Variants in ODAM observed in about 807,000 individuals in gnomAD.
ODAM encodes odontogenic ameloblast-associated protein.
ODAM carries 55 observed loss-of-function variants against 48.5 expected under a neutral mutation model. The ratio of observed to expected loss-of-function variants is 1.13; its 90% confidence interval spans 0.91 to 1.42. ODAM has a LOEUF of 1.42. Ranked by LOEUF, ODAM falls within the 40% of genes most tolerant of loss-of-function variation. ODAM has a pLI of 0.00. For synonymous variants in ODAM, 127 were observed against 107.8 expected, an observed-to-expected ratio of 1.18 and a Z score of -1.10; for missense variants, 353 against 323.6, an observed-to-expected ratio of 1.09 and a Z score of -0.70.
rs748580771 is a variant in ODAM, at chr4:70,201,463, T to C, written c.538T>C (p.Tyr180His). The change falls in exon 8 of 12, where the codon TAT becomes CAT. Residue 180 changes from tyrosine (Y) to histidine (H), a missense_variant. Transcript: ENST00000683306. ...QQQYEEQIPF[Y>H]AQFGYIPQLA... Reference sequence around the variant, plus strand: ...TTAAAAAATCTGACAGATACCATTCTATGCTCAATTTGGATACATTCCACA... The same window carrying C: ...TTAAAAAATCTGACAGATACCATTCCATGCTCAATTTGGATACATTCCACA... 1 of 1,506,368 alleles carries C rather than the reference T, an allele frequency of 6.6e-7. No individual in the cohort carries two copies. The allele number at this position is 1,506,368 out of a possible 1,614,324, so 93.3% of individuals were successfully genotyped here.
chr4:70,203,085 A>G, intron 10 of ODAM, 71 bp from the exon 11 acceptor site: 1 of 1,380,664 alleles, frequency 7.2e-7, no homozygotes, highest in Admixed American at 1.8e-5. Flanking sequence ...TGTTTTTGAT[A>G]ATCAATTAAT....
intron 2 of ODAM, 42 bp from the exon 3 acceptor site, chr4:70,196,650 T>C: frequency 6.3e-7 from 1 of 1,599,806 alleles, no homozygotes; most frequent in Non-Finnish European, 8.5e-7. Context: ...AACAATCCCT[T>C]CTTTTTACTA....
rs563047939 is a variant in ODAM, at chr4:70,204,397, T to C, written c.*252T>C. 3.5e-4 allele frequency: 53 copies of C among 152,066 alleles called. No homozygotes were observed. Among genetic ancestry groups the C allele is most frequent in the Non-Finnish European group, 6.8e-4 (46 of 67,984 alleles). 9.4% of individuals were successfully genotyped at this position (152,066 alleles called of 1,614,324 possible). A position where few individuals can be genotyped will look rare whatever the true frequency, so the allele number is the denominator to read the frequency against. ...TGTCTCTTCAAATATCCTATCATTG[T>C]ATAATATGGAATATAATAACACAGA... On this transcript the variant is annotated 3_prime_UTR_variant, in exon 12 of 12. Transcript: ENST00000683306.
Position 70,197,186 on chromosome 4 carries a change from A to G in ODAM, c.94-88A>G, listed in dbSNP as rs570846645. On this transcript the variant is annotated intron_variant, in intron 3 of 11. Transcript: ENST00000683306. ...CTAACAAGAAATTGAGCAACCAGCT[A>G]TGACTTGTGCTATATTTGCAGTAAA... 29 of 712,776 alleles carry G rather than the reference A, an allele frequency of 4.1e-5. No homozygotes were observed. In the Admixed American group the frequency reaches 4.8e-4, roughly 12 times the overall value. The allele number at this position is 712,776 out of a possible 1,614,324, so 44.2% of individuals were successfully genotyped here.
Position 70,202,339 on chromosome 4 carries a change from C to T in ODAM, c.648+10C>T, listed in dbSNP as rs1194110199. ...TGAAATTGCTGTGATGGTAAGATTC[C>T]TTACAACACTTTGCCAGCTACTGGA... On this transcript the variant is annotated intron_variant, in intron 9 of 11. Coordinates refer to ENST00000683306, the MANE Select transcript of ODAM (RefSeq NM_017855.4). The T allele has an allele frequency of 5.0e-6, 8 of 1,603,776 alleles. No homozygotes were observed. The highest frequency in any genetic ancestry group is 6.8e-6 in the Non-Finnish European group (8 of 1,171,536).
chr4:70,202,048 G>C (rs189430943), intron 8 of ODAM, among the ~76,000 whole-genome samples: 149 of 152,016 alleles, frequency 9.8e-4, no homozygotes, highest in African/African-American at 3.5e-3. Context: ...TCCTAGTAGA[G>C]AATGTTAGAA....
intron 5 of ODAM, 138 bp from the exon 6 acceptor site, chr4:70,198,441 G>A (rs966752006): frequency 1.4e-6 from 1 of 698,738 alleles, no homozygotes; most frequent in South Asian, 2.0e-5. Context: ...GTCAGCACAT[G>A]TAACGGATGA....
intron 6 of ODAM, 84 bp from the exon 7 acceptor site, chr4:70,200,413 A>T: frequency 1.5e-6 from 1 of 685,624 alleles, no homozygotes; most frequent in East Asian, 2.8e-5. Flanking sequence ...AACAGCTTTT[A>T]AATAAAATTG....
intron 9 of ODAM, 29 bp downstream of exon 9, chr4:70,202,358 T>C: frequency 6.4e-7 from 1 of 1,557,546 alleles, no homozygotes; most frequent in Non-Finnish European, 8.9e-7. Flanking sequence ...CTTTGCCAGC[T>C]ACTGGAAATC....
rs987377320 is a variant in ODAM at position 70,195,755 on chromosome 4, C to T, written c.-54C>T. 2.0e-5 allele frequency: 20 copies of T among 983,876 alleles called. No homozygotes were observed. The highest frequency in any genetic ancestry group is 4.7e-5 in the South Asian group (1 of 21,270). The allele number at this position is 983,876 out of a possible 1,614,324, so 60.9% of individuals were successfully genotyped here. A position where few individuals can be genotyped will look rare whatever the true frequency, so the allele number is the denominator to read the frequency against. On this transcript the variant is annotated 5_prime_UTR_variant, in exon 1 of 12. Coordinates refer to ENST00000683306, the MANE Select transcript of ODAM (RefSeq NM_017855.4). ...TGAGAGAGGAAAAGAACACAGATCT[C>T]GCATGGTTCAGATTTTTCTTTTTAG... is the stretch of plus-strand genomic sequence containing the variant.
At chr4:70,200,855 A>C (rs571939603) in intron 7 of ODAM, among the ~76,000 whole-genome samples, 114 of 152,072 alleles carry the variant, frequency 7.5e-4, no homozygotes, top group African/African-American at 2.7e-3. Flanking sequence ...CAAGGCCAAA[A>C]AGCTGAATAA....
At chr4:70,196,199 G>A (rs2109814084) in intron 1 of ODAM, among the ~76,000 whole-genome samples, 1 of 151,948 alleles carries the variant, frequency 6.6e-6, no homozygotes, top group African/African-American at 2.4e-5. Flanking sequence ...TGGTCTGATG[G>A]GCCTGCTCCT....
At position 70,202,833 on chromosome 4, in the gene ODAM, C is replaced by T. The variant is rs920591414; in HGVS notation, c.726C>T (p.Pro242=). The part of the protein sequence containing the change: ...FRHDSAGVFM[P]STSPKPSTTN... ...ATGACAGTGCAGGAGTTTTCATGCC[C>T]TCAACTTCACCAAAACCCAGCACAA... is the stretch of plus-strand genomic sequence containing the variant. The change falls in exon 10 of 12, where the codon CCC becomes CCT. Residue 242 remains proline, a synonymous_variant. Coordinates refer to ENST00000683306, the MANE Select transcript of ODAM (RefSeq NM_017855.4). 1.9e-6 allele frequency: 3 copies of T among 1,612,066 alleles called. No homozygotes were observed. In the South Asian group the frequency reaches 3.3e-5, roughly 18 times the overall value.
chr4:70,197,311 T>C lies in ODAM; in HGVS notation c.131T>C (p.Leu44Pro), dbSNP rs1729391032. The change falls in exon 4 of 12, where the codon CTA becomes CCA. Residue 44 changes from leucine to proline, a missense_variant. Leu to Pro is a moderately conservative substitution (Grantham distance 98). Coordinates refer to ENST00000683306, the MANE Select transcript of ODAM (RefSeq NM_017855.4). ...LNLNNGQLLP[L>P]QLQGPLNSWI... Reference sequence around the variant, plus strand: ...CTTAATAATGGTCAACTTTTGCCACTACAACTTCAGGTACCTCCATTTCAA... The same window carrying C: ...CTTAATAATGGTCAACTTTTGCCACCACAACTTCAGGTACCTCCATTTCAA... The C allele has an allele frequency of 7.0e-7, 1 of 1,438,434 alleles. No individual in the cohort carries two copies. Among genetic ancestry groups the C allele is most frequent in the South Asian group, 1.2e-5 (1 of 86,836 alleles). 89.1% of individuals were successfully genotyped at this position (1,438,434 alleles called of 1,614,324 possible). A position where few individuals can be genotyped will look rare whatever the true frequency, so the allele number is the denominator to read the frequency against.
Position 70,198,573 on chromosome 4 carries a change from T to G in ODAM, c.376-6T>G. 1 of 1,584,060 alleles carries G rather than the reference T, an allele frequency of 6.3e-7. No individual in the cohort carries two copies. The highest frequency in any genetic ancestry group is 8.5e-7 in the Non-Finnish European group (1 of 1,170,266). On this transcript the variant is annotated splice_region_variant and splice_polypyrimidine_tract_variant and intron_variant, in intron 5 of 11. Coordinates refer to ENST00000683306, the MANE Select transcript of ODAM (RefSeq NM_017855.4). ...TACATTTTTATATAATTCTTTTTTT[T>G]GGCAGGTGATGCCCTATGTATTCTC...
chr4:70,197,784 TC>T, intron 4 of ODAM, 139 bp from the exon 5 acceptor site: 1 of 666,010 alleles, frequency 1.5e-6, no homozygotes, highest in Non-Finnish European at 2.6e-6. Flanking sequence ...TCAAAATGAA[TC>T]AAGATGCTGT....
intron 6 of ODAM, 48 bp from the exon 7 acceptor site, chr4:70,200,449 T>C: frequency 1.0e-6 from 1 of 996,560 alleles, no homozygotes; most frequent in South Asian, 1.4e-5. Flanking sequence ...AAGTATGTCC[T>C]ATGCTGATTT....
chr4:70,201,641 C>A (rs1729496446), intron 8 of ODAM, 140 bp downstream of exon 8: 2 of 623,370 alleles, frequency 3.2e-6, no homozygotes, highest in African/African-American at 1.9e-5. Flanking sequence ...CCACTCAGTA[C>A]AAGGAGGAGA....
Position 70,202,244 on chromosome 4 carries a change from T to C in ODAM, c.577-14T>C. On this transcript the variant is annotated splice_polypyrimidine_tract_variant and intron_variant, in intron 8 of 11. Transcript: ENST00000683306. ...TCACTGATTTAGACTTTTTAAAACTTTTTGTGTTTTTAGGCTATATCAGGA... is the reference window on the plus strand; with the variant it reads ...TCACTGATTTAGACTTTTTAAAACTCTTTGTGTTTTTAGGCTATATCAGGA... 6.2e-7 allele frequency: 1 copy of C among 1,606,796 alleles called. No individual in the cohort carries two copies. The highest frequency in any genetic ancestry group is 8.5e-7 in the Non-Finnish European group (1 of 1,174,198).
Sources: allele counts gnomAD v4.1 joint callset (sites outside exome capture counted in the v4.1 genomes callset), GRCh38; gene constraint gnomAD v4.1.1; transcripts MANE v1.5; gene names NCBI Gene and HGNC (gene_info 2026-07-23, HGNC 2026-07-21).